Variants in SNX29 observed in about 807,000 individuals in gnomAD.
SNX29 encodes sorting nexin 29.
SNX29 carries 78 observed loss-of-function variants against 102.1 expected under a neutral mutation model. The observed-to-expected ratio is 0.76, with a 90% CI of 0.64 to 0.92. The LOEUF is 0.92. Ranked by LOEUF, SNX29 falls within the 40% of genes least tolerant of loss-of-function variation. SNX29 has a pLI of 0.00. For missense variants in SNX29, 1,280 were observed against 1,061.7 expected, an observed-to-expected ratio of 1.21 and a Z score of -2.86; for synonymous variants, 580 against 414.5, an observed-to-expected ratio of 1.40 and a Z score of -4.85.
At chr16:12,228,338 A>G (rs1017070927) in intron 14 of SNX29, among the ~76,000 whole-genome samples, 7 of 152,330 alleles carry the variant, frequency 4.6e-5, no homozygotes, top group Admixed American at 3.3e-4. Flanking sequence ...CTAAACTTCC[A>G]GCACGTTCTC....
At chr16:12,473,930 C>T (rs942334770) in intron 18 of SNX29, among the ~76,000 whole-genome samples, 2 of 152,182 alleles carry the variant, frequency 1.3e-5, no homozygotes, top group African/African-American at 2.4e-5. Flanking sequence ...CAGCAGCTCT[C>T]GGGGCTGCTC....
At chr16:12,256,331 C>G (rs921429843) in intron 14 of SNX29, among the ~76,000 whole-genome samples, 3 of 152,212 alleles carry the variant, frequency 2.0e-5, no homozygotes, top group Admixed American at 1.3e-4. Flanking sequence ...TCTCTTCACT[C>G]TGTTGATGGT....
At chr16:12,222,883 T>TTCATTTGGA (rs2077514870) in intron 14 of SNX29, among the ~76,000 whole-genome samples, 1 of 152,196 alleles carries the variant, frequency 6.6e-6, no homozygotes, top group East Asian at 1.9e-4. Flanking sequence ...GAGTGCTGTT[T>TTCATTTGGA]TCATTTGGAT....
Position 12,130,220 on chromosome 16 carries a change from T to A in SNX29, c.1595+462T>A, listed in dbSNP as rs1225514006. 4.0e-5 allele frequency among the ~76,000 whole-genome samples: 6 copies of A among 149,306 alleles called. No individual in the cohort carries two copies. The East Asian group carries it at 1.2e-3, about 30-fold the overall frequency. On this transcript the variant is annotated intron_variant, in intron 13 of 20. Coordinates refer to ENST00000566228, the MANE Select transcript of SNX29 (RefSeq NM_032167.5). ...AGCCGGGCATGATGGCTGACACCTG[T>A]AATCCCAACACTTTGGGAGGCCGAG...
At chr16:12,151,861 G>C (rs892761666) in intron 13 of SNX29, among the ~76,000 whole-genome samples, 3 of 152,136 alleles carry the variant, frequency 2.0e-5, no homozygotes, top group African/African-American at 7.2e-5. Flanking sequence ...TCAGCCTCCT[G>C]TGTAGCTGGG....
At chr16:12,246,232 G>C (rs2078256174) in intron 14 of SNX29, among the ~76,000 whole-genome samples, 1 of 152,170 alleles carries the variant, frequency 6.6e-6, no homozygotes, top group South Asian at 2.1e-4. Flanking sequence ...GCAGCTGACA[G>C]GCAGCGCTGC....
intron 1 of SNX29, chr16:11,977,887 C>G (rs1402295415): frequency 2.0e-5 from 3 of 152,364 alleles, no homozygotes; most frequent in Non-Finnish European, 4.4e-5. Context: ...ATTTAGGAAG[C>G]CCCGCCTATC....
intron 13 of SNX29, among the ~76,000 whole-genome samples, chr16:12,170,217 TC>T (rs1246243685): frequency 6.6e-6 from 1 of 151,966 alleles, no homozygotes; most frequent in Non-Finnish European, 1.5e-5. Flanking sequence ...TGGGGGCAGA[TC>T]CTGTGGCGGA....
At chr16:12,006,908 A>C (rs778588333) in intron 3 of SNX29, among the ~76,000 whole-genome samples, 4 of 152,294 alleles carry the variant, frequency 2.6e-5, no homozygotes, top group Non-Finnish European at 2.9e-5. Context: ...TATGAGCCAC[A>C]CTGTGCCTGG....
At chr16:12,259,598 A>G (rs977887547) in intron 14 of SNX29, among the ~76,000 whole-genome samples, 4 of 152,186 alleles carry the variant, frequency 2.6e-5, no homozygotes, top group Non-Finnish European at 4.4e-5. Flanking sequence ...GAGCCCTTGA[A>G]TATGATTGTC....
chr16:12,454,663 T>G (rs2086457104), intron 18 of SNX29, among the ~76,000 whole-genome samples: 1 of 152,206 alleles, frequency 6.6e-6, no homozygotes, highest in Non-Finnish European at 1.5e-5. Context: ...AATTTAGACT[T>G]GAGCTTGAGT....
chr16:12,013,542 T>TAGAGAGAGAGAGAG (rs1382498593), intron 3 of SNX29, among the ~76,000 whole-genome samples: 1 of 109,076 alleles, frequency 9.2e-6, no homozygotes, highest in African/African-American at 3.5e-5. Context: ...TATATATATA[T>TAGAGAGAGAGAGAG]CGAGAGAGGA....
intron 3 of SNX29, among the ~76,000 whole-genome samples, chr16:12,020,626 ATT>A (rs764756318): frequency 7.1e-5 from 10 of 140,570 alleles, no homozygotes; most frequent in Admixed American, 1.4e-4. Context: ...CTCATGGCTC[ATT>A]TTTTTTTTTT....
At chr16:12,527,867 C>T (rs1221063432) in intron 20 of SNX29, among the ~76,000 whole-genome samples, 2 of 150,542 alleles carry the variant, frequency 1.3e-5, no homozygotes, top group Admixed American at 1.3e-4. Flanking sequence ...CTCTGTCGGC[C>T]AAACTGGAGT....
intron 19 of SNX29, among the ~76,000 whole-genome samples, chr16:12,514,464 A>G (rs572463836): frequency 4.1e-4 from 62 of 152,312 alleles, no homozygotes; most frequent in African/African-American, 1.3e-3. Context: ...TGGCTCAGGA[A>G]TCAGGCCTCT....
Position 12,422,450 on chromosome 16 carries a change from C to A in SNX29, c.2037+18921C>A, listed in dbSNP as rs558415736. On this transcript the variant is annotated intron_variant, in intron 18 of 20. Transcript: ENST00000566228. ...AGACTTGGTAACATAACTGTTACTT[C>A]GACAGTCTAGCAAGTAACTTCTTCC... 5.3e-5 allele frequency among the ~76,000 whole-genome samples: 8 copies of A among 152,272 alleles called. 1 individual carries two copies. The South Asian group carries it at 1.7e-3, about 32-fold the overall frequency.
At chr16:12,380,138 C>T (rs901300933) in intron 16 of SNX29, among the ~76,000 whole-genome samples, 1 of 151,918 alleles carries the variant, frequency 6.6e-6, no homozygotes, top group Non-Finnish European at 1.5e-5. Flanking sequence ...ACATGAGACC[C>T]CAGGAAGAGT....
At chr16:12,193,705 T>C (rs914666224) in intron 13 of SNX29, among the ~76,000 whole-genome samples, 1 of 152,190 alleles carries the variant, frequency 6.6e-6, no homozygotes, top group Non-Finnish European at 1.5e-5. Flanking sequence ...GTTTATTTTT[T>C]TTGCATATGA....
In SNX29 at chr16:12,194,297, G is replaced by C. The variant is rs1851566315; in HGVS notation, c.1596-5304G>C. 2.0e-5 allele frequency among the ~76,000 whole-genome samples: 3 copies of C among 152,168 alleles called. No homozygotes were observed. In the South Asian group the frequency reaches 6.2e-4, roughly 32 times the overall value. The stretch of plus-strand genomic sequence containing the variant: ...TTTGCCTTCTCATTGTTCATTGTTA[G>C]TGTATAGAAATACAGTTGATGTTTA... On this transcript the variant is annotated intron_variant, in intron 13 of 20. Transcript: ENST00000566228.
Sources: allele counts gnomAD v4.1 joint callset (sites outside exome capture counted in the v4.1 genomes callset), GRCh38; gene constraint gnomAD v4.1.1; transcripts MANE v1.5; gene names NCBI Gene and HGNC (gene_info 2026-07-23, HGNC 2026-07-21).